Variants in BCR observed in about 807,000 individuals in gnomAD.
BCR encodes the protein BCR activator of RhoGEF and GTPase.
A neutral mutation model predicts 138.6 loss-of-function variants in BCR; 58 were observed. That is an observed-to-expected ratio of 0.42 (90% CI 0.34 to 0.52). BCR has a LOEUF of 0.52. BCR is among the 20% of genes least tolerant of loss of function. The pLI, the probability that BCR is intolerant of heterozygous loss-of-function variation, is 0.06. For missense variants in BCR, 1,599 were observed against 1,727.2 expected (o/e 0.93, Z 1.32); for synonymous variants, 786 against 730.1 (o/e 1.08, Z -1.23).
chr22:23,185,813 C>T lies in BCR; in HGVS notation c.1279+3574C>T, dbSNP rs946739212. Among the ~76,000 whole-genome samples the T allele has an allele frequency of 2.6e-5, 4 of 151,852 alleles. No individual in the cohort carries two copies. In the East Asian group the frequency reaches 7.9e-4, roughly 30 times the overall value. ...CAGCGATCTCGGCTCACTGCAAGCT[C>T]CGCCTCTCGGCTTCACACCATTCTC... On this transcript the variant is annotated intron_variant, in intron 1 of 22. Coordinates refer to ENST00000305877, the MANE Select transcript of BCR (RefSeq NM_004327.4).
chr22:23,249,552 A>G (rs1486068642), intron 1 of BCR, among the ~76,000 whole-genome samples: 2 of 152,086 alleles, frequency 1.3e-5, no homozygotes, highest in African/African-American at 4.8e-5. Flanking sequence ...ACTCCACTGC[A>G]CTTCAGCCTG....
chr22:23,271,173 A>G (rs1038734734), intron 5 of BCR, among the ~76,000 whole-genome samples: 11 of 152,366 alleles, frequency 7.2e-5, no homozygotes, highest in Admixed American at 5.2e-4. Context: ...GCCTGGAGAC[A>G]TTTTGGTTGT....
intron 1 of BCR, among the ~76,000 whole-genome samples, chr22:23,249,728 C>T (rs1390325205): frequency 6.6e-6 from 1 of 152,168 alleles, no homozygotes; most frequent in Non-Finnish European, 1.5e-5. Flanking sequence ...CTCCCCACAC[C>T]ATCATTTGCC....
Position 23,273,639 on chromosome 22 carries a change from G to C in BCR, c.1980G>C (p.Leu660Phe), listed in dbSNP as rs895794051. 1 of 1,613,678 alleles carries C rather than the reference G, an allele frequency of 6.2e-7. No homozygotes were observed. Among genetic ancestry groups the C allele is most frequent in the East Asian group, 2.2e-5 (1 of 44,878 alleles). ...AGTCTTTCTTCCTGGGGCAGGACTTGCTGAAGCACACTCCTGCCAGCCACC... is the reference window on the plus strand; with the variant it reads ...AGTCTTTCTTCCTGGGGCAGGACTTCCTGAAGCACACTCCTGCCAGCCACC... ...VTRSTLVLHDLLKHTPASHPD... is the reference protein window; with the variant it reads ...VTRSTLVLHDFLKHTPASHPD... The change falls in exon 8 of 23, where the codon TTG (leucine) becomes TTC (phenylalanine). Residue 660 changes from leucine (L) to phenylalanine (F), a missense_variant. Leu to Phe is a conservative substitution (Grantham distance 22, BLOSUM62 0). This residue lies in a region of BCR where 590 missense variants were observed against 762.4 expected (regional missense o/e 0.77). Transcript: ENST00000305877.
At chr22:23,205,998 C>T (rs537108997) in intron 1 of BCR, among the ~76,000 whole-genome samples, 1 of 152,254 alleles carries the variant, frequency 6.6e-6, no homozygotes, top group African/African-American at 2.4e-5. Flanking sequence ...AGCTTCTCTC[C>T]TATAGAACCT....
intron 1 of BCR, among the ~76,000 whole-genome samples, chr22:23,206,592 A>AAAAG (rs1419508239): frequency 6.6e-6 from 1 of 151,878 alleles, no homozygotes; most frequent in African/African-American, 2.4e-5. Context: ...AAAAAAAAAA[A>AAAAG]GTTAAGAAAA....
At chr22:23,221,470 G>A (rs978546360) in intron 1 of BCR, among the ~76,000 whole-genome samples, 1 of 152,234 alleles carries the variant, frequency 6.6e-6, no homozygotes, top group Non-Finnish European at 1.5e-5. Context: ...ACCAGAGCAG[G>A]TGGGAGATGT....
Position 23,264,487 on chromosome 22 carries a change from C to T in BCR, c.1752+2947C>T, listed in dbSNP as rs2073414052. On this transcript the variant is annotated intron_variant, in intron 4 of 22. Transcript: ENST00000305877. Reference sequence around the variant, plus strand: ...CTCCTGGGCCTGTGACCCCAGTGCTCAGGCACCTTGCAGTAGAGGCTTCTG... The same window carrying T: ...CTCCTGGGCCTGTGACCCCAGTGCTTAGGCACCTTGCAGTAGAGGCTTCTG... 4.1e-5 allele frequency: 24 copies of T among 581,660 alleles called. No individual in the cohort carries two copies. The South Asian group carries it at 4.7e-4, about 11-fold the overall frequency. The allele number at this position is 581,660 out of a possible 1,614,324, so 36.0% of individuals were successfully genotyped here. A position where few individuals can be genotyped will look rare whatever the true frequency, so the allele number is the denominator to read the frequency against.
intron 1 of BCR, among the ~76,000 whole-genome samples, chr22:23,212,084 C>T (rs2146221045): frequency 6.6e-6 from 1 of 152,340 alleles, no homozygotes; most frequent in African/African-American, 2.4e-5. Context: ...TCTCTGACCT[C>T]TGCAAGGGGA....
At chr22:23,312,115 G>A (rs576315509) in intron 19 of BCR, among the ~76,000 whole-genome samples, 137 of 152,362 alleles carry the variant, frequency 9.0e-4, no homozygotes, top group African/African-American at 3.0e-3. Flanking sequence ...GACAGGAGGT[G>A]GAAGCCCAGG....
At chr22:23,259,538 T>TG (rs1219503110) in intron 2 of BCR, among the ~76,000 whole-genome samples, 2 of 150,670 alleles carry the variant, frequency 1.3e-5, no homozygotes, top group East Asian at 3.9e-4. Context: ...TTTTTTGAGA[T>TG]GGAGTTTCGC....
In BCR at chr22:23,208,871, AG is replaced by A. The variant is rs372475904; in HGVS notation, c.1279+26633del. Among the ~76,000 whole-genome samples, 24 of 152,002 alleles carry A rather than the reference AG, an allele frequency of 1.6e-4. No individual in the cohort carries two copies. In the East Asian group the frequency reaches 2.5e-3, roughly 16 times the overall value. ...CTCCGTCTAAAAACAAACCAAAAAA[AG>A]CTTCTGGACTCATTAAATATAGGCT... On this transcript the variant is annotated intron_variant, in intron 1 of 22. Coordinates refer to ENST00000305877, the MANE Select transcript of BCR (RefSeq NM_004327.4).
rs367869436 is a variant in BCR at position 23,309,494 on chromosome 22, G to T, written c.3072+11G>T. ...ATCGCCATGAATGGGGTACGTGTCC[G>T]TGGGACTCTCCTGGTGCCCACTTCC... On this transcript the variant is annotated intron_variant, in intron 17 of 22. Transcript: ENST00000305877. 4 of 1,588,286 alleles carry T rather than the reference G, an allele frequency of 2.5e-6. No individual in the cohort carries two copies. The highest frequency in any genetic ancestry group is 1.1e-5 in the South Asian group (1 of 87,498).
chr22:23,200,645 C>A (rs2072542373), intron 1 of BCR, among the ~76,000 whole-genome samples: 1 of 152,144 alleles, frequency 6.6e-6, no homozygotes, highest in Non-Finnish European at 1.5e-5. Context: ...GCAGCCTTGA[C>A]CTCTCCAGGC....
chr22:23,263,831 T>TG, intron 4 of BCR: 1 of 1,115,024 alleles, frequency 9.0e-7, no homozygotes, highest in South Asian at 1.2e-5. Context: ...TGGGGTAGTG[T>TG]TTATACACCA....
rs2146334416 is a variant in BCR at position 23,315,714 on chromosome 22, C to T, written c.*192C>T. 1 of 680,504 alleles carries T rather than the reference C, an allele frequency of 1.5e-6. No individual in the cohort carries two copies. Among genetic ancestry groups the T allele is most frequent in the East Asian group, 2.9e-5 (1 of 34,834 alleles). The allele number at this position is 680,504 out of a possible 1,614,324, so 42.2% of individuals were successfully genotyped here. On this transcript the variant is annotated 3_prime_UTR_variant, in exon 23 of 23. Coordinates refer to ENST00000305877, the MANE Select transcript of BCR (RefSeq NM_004327.4). The stretch of plus-strand genomic sequence containing the variant: ...AGATCCCGCCCAGGTCTGGGAGCCC[C>T]AGGCTGGCCTCAGACTGTGGTTTTT...
Position 23,180,839 on chromosome 22 carries a change from C to T in BCR, c.-122C>T, listed in dbSNP as rs1335915850. The T allele has an allele frequency of 9.0e-6, 4 of 446,506 alleles. No individual in the cohort carries two copies. Among genetic ancestry groups the T allele is most frequent in the South Asian group, 1.0e-4 (1 of 9,590 alleles). The allele number at this position is 446,506 out of a possible 1,614,324, so 27.7% of individuals were successfully genotyped here. A position where few individuals can be genotyped will look rare whatever the true frequency, so the allele number is the denominator to read the frequency against. On this transcript the variant is annotated 5_prime_UTR_variant, in exon 1 of 23. Transcript: ENST00000305877. The stretch of plus-strand genomic sequence containing the variant: ...GGAGTGGGCGGGCATTGTTCGCCGC[C>T]GCCGCCGCCGCGCGGGCCATGGGGG...
intron 1 of BCR, among the ~76,000 whole-genome samples, chr22:23,236,936 A>G (rs1433445461): frequency 6.8e-6 from 1 of 147,268 alleles, no homozygotes. Flanking sequence ...TGGAGGCAAG[A>G]GTGTTGGGCA....
intron 4 of BCR, chr22:23,263,218 G>A (rs967884780): frequency 5.2e-6 from 5 of 965,520 alleles, no homozygotes; most frequent in South Asian, 4.9e-5. Flanking sequence ...GCGCTCTGGC[G>A]CCTGCCGGAA....
Sources: allele counts gnomAD v4.1 joint callset (sites outside exome capture counted in the v4.1 genomes callset), GRCh38; gene constraint gnomAD v4.1.1; regional missense constraint gnomAD v4.1.1; transcripts MANE v1.5; gene names NCBI Gene and HGNC (gene_info 2026-07-23, HGNC 2026-07-21).